Variants in NCEH1 observed in about 807,000 individuals in gnomAD.
NCEH1 encodes the protein 2-acetyl MAGE hydrolase.
In NCEH1, 9 loss-of-function variants were observed where a neutral mutation model predicts 25.4. The ratio of observed to expected loss-of-function variants is 0.35; its 90% CI spans 0.21 to 0.62. The LOEUF (loss-of-function observed/expected upper bound fraction) is 0.62, where lower values mean the gene tolerates loss of function less well. Among genes scored for constraint, NCEH1 ranks in the 20% least tolerant of loss-of-function variants. The pLI is 0.72. For synonymous variants in NCEH1, 200 were observed against 199.8 expected, an observed-to-expected ratio of 1.00 and a Z score of -0.01; for missense variants, 412 against 501.1, an observed-to-expected ratio of 0.82 and a Z score of 1.70.
chr3:172,677,274 T>C (rs1038239328), intron 1 of NCEH1, among the ~76,000 whole-genome samples: 1 of 152,286 alleles, frequency 6.6e-6, no homozygotes, highest in Middle Eastern at 3.4e-3. Flanking sequence ...GACATCATCT[T>C]TGAAAAAACT....
intron 3 of NCEH1, among the ~76,000 whole-genome samples, chr3:172,644,238 G>GGGGTGACTCTAGGGCTTTT (rs1358837804): frequency 5.9e-5 from 4 of 67,500 alleles, no homozygotes; most frequent in African/African-American, 9.4e-5. Context: ...CTAGGGCTTT[G>GGGGTGACTCTAGGGCTTTT]GGGTGACTCT....
chr3:172,657,888 T>A (rs1005082086), intron 1 of NCEH1, among the ~76,000 whole-genome samples: 1 of 152,216 alleles, frequency 6.6e-6, no homozygotes, highest in Non-Finnish European at 1.5e-5. Context: ...CAGCTCTTGC[T>A]GGGTCTCACA....
chr3:172,699,974 A>G (rs1713591936), intron 1 of NCEH1, among the ~76,000 whole-genome samples: 1 of 152,210 alleles, frequency 6.6e-6, no homozygotes, highest in Non-Finnish European at 1.5e-5. Flanking sequence ...AAATACATGT[A>G]ACTTGGGGAC....
At chr3:172,658,839 ACTTTTTTTTT>A (rs1311192823) in intron 1 of NCEH1, among the ~76,000 whole-genome samples, 2 of 127,000 alleles carry the variant, frequency 1.6e-5, no homozygotes, top group African/African-American at 3.0e-5. Flanking sequence ...CAATTCCAAA[ACTTTTTTTTT>A]TTTTTTTTTT....
At chr3:172,667,104 T>C (rs2108510017) in intron 1 of NCEH1, among the ~76,000 whole-genome samples, 1 of 152,328 alleles carries the variant, frequency 6.6e-6, no homozygotes, top group East Asian at 1.9e-4. Flanking sequence ...AATCAGGCTC[T>C]AGGCTACTTG....
At chr3:172,643,007 C>T (rs913515292) in intron 3 of NCEH1, among the ~76,000 whole-genome samples, 8 of 152,114 alleles carry the variant, frequency 5.3e-5, no homozygotes, top group Non-Finnish European at 1.2e-4. Context: ...GGCTCAATCT[C>T]GGCTCACTGC....
chr3:172,683,395 T>A (rs1577082162), intron 1 of NCEH1, among the ~76,000 whole-genome samples: 2 of 106,498 alleles, frequency 1.9e-5, no homozygotes, highest in African/African-American at 3.7e-5. Context: ...AGAGCGAGAC[T>A]CCGTCTCAAA....
At chr3:172,689,165 G>C (rs769901812) in intron 1 of NCEH1, among the ~76,000 whole-genome samples, 3 of 151,440 alleles carry the variant, frequency 2.0e-5, no homozygotes, top group Admixed American at 2.0e-4. Flanking sequence ...TAGTAAAGCT[G>C]AGGATTTCAT....
intron 1 of NCEH1, among the ~76,000 whole-genome samples, chr3:172,670,217 C>A (rs1711531510): frequency 6.6e-6 from 1 of 152,148 alleles, no homozygotes; most frequent in African/African-American, 2.4e-5. Flanking sequence ...GGCCAGAGAG[C>A]AAGCATTCTC....
intron 3 of NCEH1, among the ~76,000 whole-genome samples, chr3:172,639,190 C>T (rs1361264967): frequency 3.3e-5 from 5 of 150,416 alleles, no homozygotes; most frequent in Non-Finnish European, 2.9e-5. Context: ...CCCAGCTACT[C>T]GGGAGGCTGA....
intron 1 of NCEH1, among the ~76,000 whole-genome samples, chr3:172,682,802 G>C (rs1012536510): frequency 6.6e-6 from 1 of 152,220 alleles, no homozygotes; most frequent in Non-Finnish European, 1.5e-5. Flanking sequence ...AGGAGACACA[G>C]AATGCAGCAA....
intron 1 of NCEH1, among the ~76,000 whole-genome samples, chr3:172,665,842 G>A: frequency 6.6e-6 from 1 of 152,240 alleles, no homozygotes; most frequent in East Asian, 1.9e-4. Flanking sequence ...CACTGGAAAA[G>A]CACAGTATTA....
At position 172,696,153 on chromosome 3, in the gene NCEH1, C is replaced by T. The variant is rs575394875; in HGVS notation, c.138+14694G>A. Among the ~76,000 whole-genome samples the T allele has an allele frequency of 4.6e-5, 7 of 152,136 alleles. No homozygotes were observed. In the South Asian group the frequency reaches 1.2e-3, roughly 27 times the overall value. The stretch of plus-strand genomic sequence containing the variant: ...CACAATTACATTTAATCCTTATAAG[C>T]CTTGAAGGAGGTACTGTCATTATCT... On this transcript the variant is annotated intron_variant, in intron 1 of 4. Transcript: ENST00000475381.
intron 4 of NCEH1, among the ~76,000 whole-genome samples, chr3:172,635,673 C>G (rs1716565982): frequency 1.3e-5 from 2 of 152,180 alleles, no homozygotes; most frequent in African/African-American, 2.4e-5. Flanking sequence ...CAGCCCTTCT[C>G]TAACACTGAC....
At chr3:172,692,797 TAACAA>T (rs2108530113) in intron 1 of NCEH1, among the ~76,000 whole-genome samples, 1 of 152,358 alleles carries the variant, frequency 6.6e-6, no homozygotes, top group African/African-American at 2.4e-5. Flanking sequence ...GTAATAGATC[TAACAA>T]CACAAGGTGG....
chr3:172,633,799 C>T lies in NCEH1; in HGVS notation c.903G>A (p.Lys301=), dbSNP rs200922852. 3.7e-6 allele frequency: 6 copies of T among 1,614,182 alleles called. No individual in the cohort carries two copies. The highest frequency in any genetic ancestry group is 1.3e-5 in the African/African-American group (1 of 75,044). Reference sequence around the variant, plus strand: ...CATTGCCTGTGGTCTGTACAACAGGCTTGTAGTTCTTTGTGAAGGATGCAG... The same window carrying T: ...CATTGCCTGTGGTCTGTACAACAGGTTTGTAGTTCTTTGTGAAGGATGCAG... ...LLPASFTKNY[K]PVVQTTGNAR... The change falls in exon 5 of 5, where the codon AAG becomes AAA. Residue 301 remains lysine, a synonymous_variant. Coordinates refer to ENST00000475381, the MANE Select transcript of NCEH1 (RefSeq NM_020792.6).
At chr3:172,661,442 G>A (rs1717967917) in intron 1 of NCEH1, among the ~76,000 whole-genome samples, 1 of 152,188 alleles carries the variant, frequency 6.6e-6, no homozygotes, top group Admixed American at 6.5e-5. Context: ...GCTTAGGATT[G>A]TCTTGGCAAT....
chr3:172,675,837 T>A (rs1214979633), intron 1 of NCEH1, among the ~76,000 whole-genome samples: 1 of 152,182 alleles, frequency 6.6e-6, no homozygotes, highest in Non-Finnish European at 1.5e-5. Flanking sequence ...GGTACCAAAC[T>A]CTAAGTCAGT....
At position 172,653,742 on chromosome 3, in the gene NCEH1, TTG is replaced by T. The variant is rs1491438624; in HGVS notation, c.139-5630_139-5629del. On this transcript the variant is annotated intron_variant, in intron 1 of 4. Transcript: ENST00000475381. ...TGTTGTTGTTGTTGTTCTGTTTTTT[TTG>T]TTTTTTTGTTTTTTTGTTTTTTTTT... Among the ~76,000 whole-genome samples the T allele has an allele frequency of 9.9e-5, 7 of 70,756 alleles. 1 individual carries two copies. Among genetic ancestry groups the T allele is most frequent in the African/African-American group, 5.2e-4 (7 of 13,546 alleles). The allele number at this position is 70,756 out of a possible 152,430, so 46.4% of individuals were successfully genotyped here. A position where few individuals can be genotyped will look rare whatever the true frequency, so the allele number is the denominator to read the frequency against.
Sources: allele counts gnomAD v4.1 joint callset (sites outside exome capture counted in the v4.1 genomes callset), GRCh38; gene constraint gnomAD v4.1.1; transcripts MANE v1.5; gene names NCBI Gene and HGNC (gene_info 2026-07-23, HGNC 2026-07-21).